The following SLC4A10 variants were observed in gnomAD, a reference collection of about 807,000 sequenced individuals.
The protein encoded by SLC4A10 is solute carrier family 4 member 10.
In SLC4A10, 42 loss-of-function variants were observed where a neutral mutation model predicts 137.7. That is an observed-to-expected ratio of 0.30 (90% CI 0.24 to 0.39). The LOEUF (loss-of-function observed/expected upper bound fraction) is 0.39, where lower values mean the gene tolerates loss of function less well. Ranked by LOEUF, SLC4A10 falls within the 10% of genes least tolerant of loss-of-function variation. The probability of loss-of-function intolerance (pLI) is 1.00; values close to 1 mark genes in which losing one functional copy is unlikely to be tolerated. For missense variants in SLC4A10, 925 were observed against 1,355.0 expected (o/e 0.68, Z 4.98); for synonymous variants, 474 against 464.1 (o/e 1.02, Z -0.27).
intron 1 of SLC4A10, among the ~76,000 whole-genome samples, chr2:161,739,074 A>C (rs2047626558): frequency 6.6e-6 from 1 of 152,108 alleles, no homozygotes; most frequent in Non-Finnish European, 1.5e-5. Flanking sequence ...CACAAACTGT[A>C]GTTGATCCTT....
intron 15 of SLC4A10, among the ~76,000 whole-genome samples, chr2:161,921,815 AT>A (rs759025396): frequency 2.0e-5 from 3 of 152,370 alleles, no homozygotes; most frequent in Non-Finnish European, 4.4e-5. Flanking sequence ...TTTCTGACAT[AT>A]TAAAGTAAAA....
chr2:161,829,211 C>T (rs1338943198), intron 3 of SLC4A10, among the ~76,000 whole-genome samples: 1 of 152,052 alleles, frequency 6.6e-6, no homozygotes, highest in Admixed American at 6.6e-5. Context: ...TATTGTCTTA[C>T]ATTGTCTGTT....
chr2:161,704,915 G>A (rs570028230), intron 1 of SLC4A10, among the ~76,000 whole-genome samples: 2 of 151,510 alleles, frequency 1.3e-5, no homozygotes, highest in Non-Finnish European at 3.0e-5. Context: ...TAAGATGAAC[G>A]ACTGAACATT....
chr2:161,701,729 C>T (rs2125007716), intron 1 of SLC4A10, among the ~76,000 whole-genome samples: 1 of 151,960 alleles, frequency 6.6e-6, no homozygotes, highest in East Asian at 1.9e-4. Context: ...TATCCCCCTT[C>T]CTTTTACCCT....
chr2:161,966,632 T>A (rs901252654), intron 23 of SLC4A10, among the ~76,000 whole-genome samples: 5 of 151,544 alleles, frequency 3.3e-5, no homozygotes, highest in African/African-American at 1.2e-4. Context: ...ACCTGTAGTC[T>A]CAGCTACTCA....
chr2:161,786,615 A>G (rs1374059187), intron 2 of SLC4A10, among the ~76,000 whole-genome samples: 1 of 151,222 alleles, frequency 6.6e-6, no homozygotes, highest in Non-Finnish European at 1.5e-5. Context: ...GCTTTATGAC[A>G]TAAAAGAGTA....
At chr2:161,757,453 T>G (rs1351407969) in intron 1 of SLC4A10, among the ~76,000 whole-genome samples, 1 of 152,158 alleles carries the variant, frequency 6.6e-6, no homozygotes, top group Non-Finnish European at 1.5e-5. Flanking sequence ...TATGTTTATT[T>G]CACTAACACT....
chr2:161,905,493 G>A (rs1575571454), intron 14 of SLC4A10, 149 bp from the exon 15 acceptor site: 2 of 1,169,556 alleles, frequency 1.7e-6, no homozygotes, highest in East Asian at 4.9e-5. Context: ...GGGGACCCCT[G>A]CTTTAGACAG....
intron 10 of SLC4A10, among the ~76,000 whole-genome samples, chr2:161,893,140 A>G (rs766595932): frequency 1.3e-5 from 2 of 152,142 alleles, no homozygotes; most frequent in African/African-American, 4.8e-5. Flanking sequence ...ACACCCAAGT[A>G]GAATATACCT....
chr2:161,874,120 A>C (rs747866203), intron 8 of SLC4A10, 115 bp downstream of exon 8: 28 of 1,096,180 alleles, frequency 2.6e-5, no homozygotes, highest in Non-Finnish European at 3.5e-5. Flanking sequence ...CCACTCTAAG[A>C]ACTATCTTTT....
Position 161,839,920 on chromosome 2 carries a change from A to G in SLC4A10, c.409A>G (p.Thr137Ala), listed in dbSNP as rs2125790201. ...AGGTGAGGACGCTGAGTGGCGAGAA[A>G]CAGCCAGGTGAGGATTTTTGTTAAA... ...REGEDAEWRE[T>A]ARWLKFEEDV... The change falls in exon 4 of 27, where the codon ACA (threonine) becomes GCA (alanine). Residue 137 changes from threonine to alanine, a missense_variant. Thr to Ala is a moderately conservative substitution (Grantham distance 58). Transcript: ENST00000446997. The G allele has an allele frequency of 6.2e-7, 1 of 1,613,858 alleles. No individual in the cohort carries two copies.
In SLC4A10 at chr2:161,862,950, G is replaced by C. The variant is rs868716862; in HGVS notation, c.654G>C (p.Met218Ile). ...GCCATAGGGTCCATGAGGCATTGATGAAACAGCATCATCATCAGAATCAGA... is the reference window on the plus strand; with the variant it reads ...GCCATAGGGTCCATGAGGCATTGATCAAACAGCATCATCATCAGAATCAGA... ...DVRHRVHEAL[M>I]KQHHHQNQKK... The change falls in exon 6 of 27, where the codon ATG becomes ATC. Residue 218 changes from methionine (M) to isoleucine (I), a missense_variant. Met to Ile is a conservative substitution (Grantham distance 10, BLOSUM62 1). Transcript: ENST00000446997. 1 of 1,613,736 alleles carries C rather than the reference G, an allele frequency of 6.2e-7. No individual in the cohort carries two copies. Among genetic ancestry groups the C allele is most frequent in the East Asian group, 2.2e-5 (1 of 44,864 alleles).
chr2:161,843,327 G>A (rs928500531), intron 4 of SLC4A10, among the ~76,000 whole-genome samples: 5 of 152,138 alleles, frequency 3.3e-5, no homozygotes, highest in Non-Finnish European at 7.4e-5. Context: ...TCAATAACAT[G>A]TTTGTCCTAA....
chr2:161,668,374 A>G (rs2039320631), intron 1 of SLC4A10, among the ~76,000 whole-genome samples: 1 of 151,786 alleles, frequency 6.6e-6, no homozygotes, highest in Non-Finnish European at 1.5e-5. Context: ...TTCATGTAGA[A>G]TAATTAGGTT....
chr2:161,869,216 C>T (rs1043547950), intron 6 of SLC4A10, among the ~76,000 whole-genome samples: 2 of 151,516 alleles, frequency 1.3e-5, no homozygotes, highest in African/African-American at 4.8e-5. Context: ...TGAAAATTGC[C>T]ATTCTGTGAA....
chr2:161,938,689 C>T (rs1403943010), intron 15 of SLC4A10, among the ~76,000 whole-genome samples: 2 of 149,824 alleles, frequency 1.3e-5, no homozygotes, highest in African/African-American at 4.9e-5. Context: ...TGATCGCAAA[C>T]CTTTGGAGCT....
chr2:161,842,729 C>T (rs1328306681), intron 4 of SLC4A10, among the ~76,000 whole-genome samples: 1 of 152,110 alleles, frequency 6.6e-6, no homozygotes, highest in Admixed American at 6.6e-5. Context: ...GTCCCAACTG[C>T]ATCAAAAACT....
intron 1 of SLC4A10, among the ~76,000 whole-genome samples, chr2:161,768,372 A>G (rs1157825579): frequency 2.6e-5 from 4 of 151,952 alleles, no homozygotes; most frequent in African/African-American, 4.8e-5. Context: ...TATTTTCCCC[A>G]AAGTCCGATT....
intron 1 of SLC4A10, chr2:161,710,503 G>T (rs2044160930): frequency 4.4e-6 from 1 of 227,878 alleles, no homozygotes; most frequent in African/African-American, 2.3e-5. Flanking sequence ...TGTCATTTCT[G>T]TCACAAATCA....
Sources: allele counts gnomAD v4.1 joint callset (sites outside exome capture counted in the v4.1 genomes callset), GRCh38; gene constraint gnomAD v4.1.1; transcripts MANE v1.5; gene names NCBI Gene and HGNC (gene_info 2026-07-23, HGNC 2026-07-21).